Variants in SFMBT2 observed in about 807,000 individuals in gnomAD.
SFMBT2 encodes the protein Scm like with four mbt domains 2.
In SFMBT2, 38 loss-of-function variants were observed where a neutral mutation model predicts 110.1. That is an observed-to-expected ratio of 0.35 (90% confidence interval 0.27 to 0.45). SFMBT2 has a LOEUF of 0.45. Among genes scored for constraint, SFMBT2 ranks in the 20% least tolerant of loss-of-function variants. SFMBT2 has a pLI of 1.00. For synonymous variants in SFMBT2, 425 were observed against 425.4 expected, an observed-to-expected ratio of 1.00 and a Z score of 0.01; for missense variants, 1,011 against 1,094.9, an observed-to-expected ratio of 0.92 and a Z score of 1.08.
chr10:7,283,449 GAT>G (rs963847342), intron 6 of SFMBT2, among the ~76,000 whole-genome samples: 39 of 151,696 alleles, frequency 2.6e-4, no homozygotes, highest in Non-Finnish European at 4.6e-4. Flanking sequence ...ATGCTGGATG[GAT>G]AGGTGGATGA....
At position 7,172,432 on chromosome 10, in the gene SFMBT2, C is replaced by G; in HGVS notation, c.2151+63G>C. The G allele has an allele frequency of 6.2e-7, 1 of 1,609,300 alleles. No homozygotes were observed. The highest frequency in any genetic ancestry group is 8.5e-7 in the Non-Finnish European group (1 of 1,178,834). ...GGCCACCTCTGCTGTGAAGCAGCCACACTTGCCGGCCAGGGCCAGATGACA... is the reference window on the plus strand; with the variant it reads ...GGCCACCTCTGCTGTGAAGCAGCCAGACTTGCCGGCCAGGGCCAGATGACA... On this transcript the variant is annotated intron_variant, in intron 18 of 20. Transcript: ENST00000397167. The surrounding 1 kb of genome is among the most constrained non-coding windows in gnomAD (Gnocchi z 4.6).
At chr10:7,312,223 T>C (rs988064062) in intron 4 of SFMBT2, among the ~76,000 whole-genome samples, 1 of 152,046 alleles carries the variant, frequency 6.6e-6, no homozygotes, top group East Asian at 1.9e-4. Flanking sequence ...ACGTAAAGTA[T>C]AATTTAAAAA....
chr10:7,237,028 A>G (rs1053855615), intron 9 of SFMBT2, among the ~76,000 whole-genome samples: 1 of 152,108 alleles, frequency 6.6e-6, no homozygotes, highest in Non-Finnish European at 1.5e-5. Context: ...GATCCACTTC[A>G]CTCCCCTCAG....
chr10:7,321,965 A>C (rs956311648), intron 4 of SFMBT2, among the ~76,000 whole-genome samples: 2 of 152,214 alleles, frequency 1.3e-5, no homozygotes, highest in Non-Finnish European at 2.9e-5. Flanking sequence ...GACAAATTTG[A>C]CCTCTAAATG....
rs1270448994 is a variant in SFMBT2 at position 7,172,248 on chromosome 10, C to T, written c.2152-90G>A. The T allele has an allele frequency of 4.1e-6, 6 of 1,480,510 alleles. No individual in the cohort carries two copies. Among genetic ancestry groups the T allele is most frequent in the Non-Finnish European group, 5.4e-6 (6 of 1,117,802 alleles). 91.7% of individuals were successfully genotyped at this position (1,480,510 alleles called of 1,614,324 possible). ...GTCAGACCCTGGGCCCAGTGCAGAC[C>T]ACCTAGCAAACCCTCGGAAATGGAG... On this transcript the variant is annotated intron_variant, in intron 18 of 20. Transcript: ENST00000397167. The surrounding 1 kb of genome is among the most constrained non-coding windows in gnomAD (Gnocchi z 4.6).
intron 2 of SFMBT2, among the ~76,000 whole-genome samples, chr10:7,370,591 G>C (rs1845034142): frequency 6.6e-6 from 1 of 152,208 alleles, no homozygotes; most frequent in East Asian, 1.9e-4. Context: ...TGACTGCACT[G>C]ATGAAATCAA....
chr10:7,306,425 C>A (rs1419553883), intron 4 of SFMBT2, among the ~76,000 whole-genome samples: 1 of 152,196 alleles, frequency 6.6e-6, no homozygotes, highest in Non-Finnish European at 1.5e-5. Context: ...CCACGTCATT[C>A]ATTTATGTAT....
rs950097764 is a variant in SFMBT2 at position 7,172,874 on chromosome 10, G to C, written c.1985-213C>G. 6.6e-6 allele frequency among the ~76,000 whole-genome samples: 1 copy of C among 152,204 alleles called. No homozygotes were observed. Among genetic ancestry groups the C allele is most frequent in the African/African-American group, 2.4e-5 (1 of 41,442 alleles). ...GGGCTGAACTTGGCCCGTCCCCAGT[G>C]TTGAAGCCCAAACCCCCAAAGTGAG... is the stretch of plus-strand genomic sequence containing the variant. On this transcript the variant is annotated intron_variant, in intron 17 of 20. Transcript: ENST00000397167. This position sits in a 1 kb window ranked among gnomAD's most constrained non-coding sequence, Gnocchi z 4.6.
chr10:7,313,515 G>A (rs912726184), intron 4 of SFMBT2, among the ~76,000 whole-genome samples: 4 of 152,146 alleles, frequency 2.6e-5, no homozygotes, highest in East Asian at 3.8e-4. Flanking sequence ...ACAGAGTTTC[G>A]CCATGTTGCC....
intron 4 of SFMBT2, among the ~76,000 whole-genome samples, chr10:7,307,058 G>C (rs1030339929): frequency 6.6e-6 from 1 of 152,044 alleles, no homozygotes; most frequent in African/African-American, 2.4e-5. Context: ...CATGCAAACA[G>C]CACTTAGAAA....
chr10:7,390,241 A>G (rs1435055055), intron 1 of SFMBT2, among the ~76,000 whole-genome samples: 1 of 152,178 alleles, frequency 6.6e-6, no homozygotes, highest in African/African-American at 2.4e-5. Flanking sequence ...CCAGCAAGCC[A>G]CTGCACTGGA....
intron 5 of SFMBT2, chr10:7,285,628 G>T: frequency 4.3e-6 from 2 of 465,342 alleles, no homozygotes; most frequent in Non-Finnish European, 7.9e-6. Context: ...TTAAAAATTG[G>T]ATTCACATAG....
chr10:7,213,211 C>T (rs1012874724), intron 11 of SFMBT2, among the ~76,000 whole-genome samples: 7 of 151,296 alleles, frequency 4.6e-5, no homozygotes, highest in South Asian at 4.2e-4. Flanking sequence ...CAAACCTGCA[C>T]GTTCTGCACA....
chr10:7,203,771 A>G, intron 12 of SFMBT2: 1 of 533,734 alleles, frequency 1.9e-6, no homozygotes, highest in Non-Finnish European at 2.4e-6. Context: ...GCTGGAGTGC[A>G]GTGGCATGAT....
chr10:7,231,106 G>C (rs1359906486), intron 9 of SFMBT2, among the ~76,000 whole-genome samples: 2 of 151,792 alleles, frequency 1.3e-5, no homozygotes, highest in Non-Finnish European at 2.9e-5. Flanking sequence ...GCTCCTAAAA[G>C]AAAAGTGTAA....
chr10:7,404,905 AATCATGTGACAC>A (rs1564478361), intron 1 of SFMBT2, among the ~76,000 whole-genome samples: 1 of 152,240 alleles, frequency 6.6e-6, no homozygotes, highest in Non-Finnish European at 1.5e-5. Context: ...ACATTACATG[AATCATGTGACAC>A]ATTCTTTCTT....
intron 9 of SFMBT2, among the ~76,000 whole-genome samples, chr10:7,232,792 C>T (rs1840143111): frequency 6.6e-6 from 1 of 152,140 alleles, no homozygotes; most frequent in African/African-American, 2.4e-5. Context: ...TTTGAAAACA[C>T]AGAATCTTTG....
chr10:7,394,837 GCCTGCAGTC>G lies in SFMBT2; in HGVS notation c.-51-12897_-51-12889del, dbSNP rs1284029388. Among the ~76,000 whole-genome samples, 30 of 151,964 alleles carry G rather than the reference GCCTGCAGTC, an allele frequency of 2.0e-4. 1 individual carries two copies. Among genetic ancestry groups the G allele is most frequent in the Admixed American group, 2.0e-3 (30 of 15,264 alleles). On this transcript the variant is annotated intron_variant, in intron 1 of 20. Coordinates refer to ENST00000397167, the MANE Select transcript of SFMBT2 (RefSeq NM_001387889.1). Reference sequence around the variant, plus strand: ...TTCTCTGCCTGGGACACCAATGTTAGCCTGCAGTCTCACCTCCCCTCCCTCTGTTACACA... The same window carrying G: ...TTCTCTGCCTGGGACACCAATGTTAGTCACCTCCCCTCCCTCTGTTACACA...
intron 4 of SFMBT2, among the ~76,000 whole-genome samples, chr10:7,340,204 A>G (rs1843847296): frequency 6.6e-6 from 1 of 152,196 alleles, no homozygotes; most frequent in Non-Finnish European, 1.5e-5. Context: ...TCAGAAAATC[A>G]AAAGGAAGCG....
Sources: allele counts gnomAD v4.1 joint callset (sites outside exome capture counted in the v4.1 genomes callset), GRCh38; gene constraint gnomAD v4.1.1; non-coding constraint Gnocchi (gnomAD v3.1); transcripts MANE v1.5; gene names NCBI Gene and HGNC (gene_info 2026-07-23, HGNC 2026-07-21).